Variants in BTAF1 observed in about 807,000 individuals in gnomAD.
BTAF1 encodes TATA-binding protein-associated factor 172.
Under a neutral mutation model 227.1 loss-of-function variants are expected in BTAF1, and 38 were observed. The observed-to-expected ratio is 0.17, with a 90% CI of 0.13 to 0.22. The LOEUF (loss-of-function observed/expected upper bound fraction) is 0.22, where lower values mean the gene tolerates loss of function less well. Ranked by LOEUF, BTAF1 falls within the 10% of genes least tolerant of loss-of-function variation. The pLI is 1.00. For synonymous variants in BTAF1, 742 were observed against 751.9 expected (o/e 0.99, Z 0.21); for missense variants, 1,598 against 2,204.0 (o/e 0.73, Z 5.51).
chr10:91,953,685 G>C lies in BTAF1; in HGVS notation c.565-52G>C. 1.9e-6 allele frequency: 3 copies of C among 1,585,524 alleles called. No homozygotes were observed. In the South Asian group the frequency reaches 3.4e-5, roughly 18 times the overall value. Reference sequence around the variant, plus strand: ...TCTTCTTCTGAGGCTGAGACTATAGGTACTTATTTTAATTTCAAAAGTTCC... The same window carrying C: ...TCTTCTTCTGAGGCTGAGACTATAGCTACTTATTTTAATTTCAAAAGTTCC... On this transcript the variant is annotated intron_variant, in intron 5 of 37. Coordinates refer to ENST00000265990, the MANE Select transcript of BTAF1 (RefSeq NM_003972.3).
intron 33 of BTAF1, 86 bp from the exon 34 acceptor site, chr10:92,018,697 G>A (rs1850909721): frequency 2.4e-6 from 3 of 1,242,028 alleles, no homozygotes; most frequent in African/African-American, 1.5e-5. Context: ...AAACAGCATA[G>A]GAAATAGCAT....
chr10:91,925,322 A>G (rs1843750363), intron 1 of BTAF1, among the ~76,000 whole-genome samples: 1 of 152,170 alleles, frequency 6.6e-6, no homozygotes, highest in Non-Finnish European at 1.5e-5. Flanking sequence ...CCTCCCATAT[A>G]AATGCATGAA....
chr10:91,946,315 C>T (rs185565480), intron 4 of BTAF1, among the ~76,000 whole-genome samples: 273 of 152,180 alleles, frequency 1.8e-3, no homozygotes, highest in African/African-American at 6.0e-3. Context: ...CCCAAGATCG[C>T]GCCATTGCAC....
chr10:91,926,320 A>C (rs1843825008), intron 1 of BTAF1, among the ~76,000 whole-genome samples: 1 of 152,214 alleles, frequency 6.6e-6, no homozygotes, highest in South Asian at 2.1e-4. Flanking sequence ...GAGAAACTGT[A>C]ATATTTTTAG....
rs201840918 is a variant in BTAF1 at position 92,018,771 on chromosome 10, T to C, written c.4711-12T>C. The C allele has an allele frequency of 6.7e-7, 1 of 1,503,380 alleles. No homozygotes were observed. Among genetic ancestry groups the C allele is most frequent in the Non-Finnish European group, 8.9e-7 (1 of 1,125,394 alleles). 93.1% of individuals were successfully genotyped at this position (1,503,380 alleles called of 1,614,324 possible). On this transcript the variant is annotated splice_polypyrimidine_tract_variant and intron_variant, in intron 33 of 37. Transcript: ENST00000265990. ...AAATTGACTCATATATACTTTTTTT[T>C]TCCTCTTGAAGGCATTACAGTACTT...
chr10:91,994,252 A>G (rs1392222718), intron 22 of BTAF1, among the ~76,000 whole-genome samples: 3 of 152,006 alleles, frequency 2.0e-5, no homozygotes, highest in Admixed American at 6.6e-5. Flanking sequence ...GTGAGCCGAG[A>G]TTATGCCACT....
intron 6 of BTAF1, 122 bp from the exon 7 acceptor site, chr10:91,956,406 A>G (rs1182131655): frequency 2.5e-6 from 3 of 1,221,762 alleles, no homozygotes; most frequent in Admixed American, 3.1e-5. Context: ...GGTGTAAAAC[A>G]TTTGTTTAAA....
chr10:91,957,079 A>T (rs925899756), intron 7 of BTAF1, 146 bp from the exon 8 acceptor site: 13 of 524,516 alleles, frequency 2.5e-5, no homozygotes, highest in African/African-American at 2.1e-4. Context: ...TATCAGTAAA[A>T]ATATATCTTA....
intron 6 of BTAF1, among the ~76,000 whole-genome samples, chr10:91,954,891 G>A (rs552675648): frequency 7.9e-5 from 12 of 152,264 alleles, no homozygotes; most frequent in Middle Eastern, 3.4e-3. Context: ...ACTCAGATCT[G>A]TTAAATAAGA....
intron 8 of BTAF1, among the ~76,000 whole-genome samples, chr10:91,957,986 T>C (rs1846215556): frequency 6.6e-6 from 1 of 152,066 alleles, no homozygotes; most frequent in Admixed American, 6.6e-5. Context: ...TCATAAGACA[T>C]TTTATTTGTA....
At chr10:91,985,549 GA>G (rs918667839) in intron 19 of BTAF1, among the ~76,000 whole-genome samples, 2 of 151,946 alleles carry the variant, frequency 1.3e-5, no homozygotes, top group Non-Finnish European at 2.9e-5. Context: ...TTTAGTTTTA[GA>G]AAAAACTACA....
chr10:91,930,309 G>A (rs1256573008), intron 1 of BTAF1, among the ~76,000 whole-genome samples: 1 of 152,170 alleles, frequency 6.6e-6, no homozygotes, highest in Non-Finnish European at 1.5e-5. Flanking sequence ...ATGTCTTGAA[G>A]GAAATAGCAT....
intron 4 of BTAF1, among the ~76,000 whole-genome samples, chr10:91,944,608 C>T (rs536862324): frequency 2.6e-5 from 4 of 152,202 alleles, no homozygotes; most frequent in Non-Finnish European, 5.9e-5. Flanking sequence ...GTATACAATT[C>T]AGTGGTTTTT....
At chr10:91,976,167 G>A (rs185132607) in intron 14 of BTAF1, among the ~76,000 whole-genome samples, 10 of 152,230 alleles carry the variant, frequency 6.6e-5, no homozygotes, top group East Asian at 1.9e-4. Context: ...TACAATTGCC[G>A]GTTTTCTATA....
chr10:92,015,683 TAATC>T (rs1850671491), intron 32 of BTAF1, among the ~76,000 whole-genome samples: 3 of 152,208 alleles, frequency 2.0e-5, no homozygotes, highest in Non-Finnish European at 4.4e-5. Flanking sequence ...TGCATTTAAG[TAATC>T]AATCTAGAGA....
intron 4 of BTAF1, among the ~76,000 whole-genome samples, chr10:91,946,089 A>C (rs543114188): frequency 1.2e-4 from 18 of 152,132 alleles, no homozygotes; most frequent in African/African-American, 4.3e-4. Flanking sequence ...GGTTGTTTCT[A>C]CCTTTTATCT....
intron 7 of BTAF1, 144 bp from the exon 8 acceptor site, chr10:91,957,080 AT>A: frequency 1.9e-6 from 1 of 526,046 alleles, no homozygotes; most frequent in South Asian, 3.2e-5. Context: ...ATCAGTAAAA[AT>A]ATATCTTAAT....
rs769267590 is a variant in BTAF1, at chr10:91,960,121, G to A, written c.1230G>A (p.Leu410=). ...AATGGGAAGTTAGACATGGTGGTCT[G>A]CTGGGAATAAAATATGCTTTGGCAG... is the stretch of plus-strand genomic sequence containing the variant. The part of the protein sequence containing the change: ...QEQWEVRHGG[L]LGIKYALAVR... The change falls in exon 11 of 38, where the codon CTG becomes CTA. Residue 410 remains leucine, a synonymous_variant. Transcript: ENST00000265990. 1 of 1,613,454 alleles carries A rather than the reference G, an allele frequency of 6.2e-7. No individual in the cohort carries two copies. The highest frequency in any genetic ancestry group is 8.5e-7 in the Non-Finnish European group (1 of 1,179,662).
intron 37 of BTAF1, 73 bp from the exon 38 acceptor site, chr10:92,028,717 T>C (rs1204099506): frequency 1.4e-6 from 2 of 1,419,436 alleles, no homozygotes; most frequent in Non-Finnish European, 1.9e-6. Flanking sequence ...ACAAGTGTGA[T>C]TTTAAAGGAA....
Sources: gnomAD v4.1 joint callset for allele counts (sites outside exome capture counted in the v4.1 genomes callset) on GRCh38, gnomAD v4.1.1 for gene constraint, MANE v1.5 for transcripts, NCBI Gene and HGNC (gene_info 2026-07-23, HGNC 2026-07-21) for gene names.